Variants in CORO6 observed in about 807,000 individuals in gnomAD.
CORO6 encodes coronin-6.
In CORO6, 43 loss-of-function variants were observed where a neutral mutation model predicts 49.0. The ratio of observed to expected loss-of-function variants is 0.88; its 90% CI spans 0.69 to 1.13. The LOEUF (loss-of-function observed/expected upper bound fraction) is 1.13. Among genes scored for constraint, CORO6 ranks in the 50% most tolerant of loss-of-function variants. CORO6 has a pLI of 0.00. For synonymous variants in CORO6, 233 were observed against 256.5 expected, an observed-to-expected ratio of 0.91 and a Z score of 0.88; for missense variants, 650 against 647.0, an observed-to-expected ratio of 1.00 and a Z score of -0.05.
intron 6 of CORO6, 112 bp from the exon 7 acceptor site, chr17:29,617,154 C>T: frequency 1.9e-6 from 3 of 1,563,472 alleles, no homozygotes; most frequent in Non-Finnish European, 2.6e-6. Context: ...TGCCCCAAAC[C>T]TCTAGTGACC....
In CORO6 at chr17:29,615,703, G is replaced by T; in HGVS notation, c.*29C>A. 6.8e-7 allele frequency: 1 copy of T among 1,477,406 alleles called. No homozygotes were observed. The highest frequency in any genetic ancestry group is 8.9e-7 in the Non-Finnish European group (1 of 1,118,450). The allele number at this position is 1,477,406 out of a possible 1,614,324, so 91.5% of individuals were successfully genotyped here. ...GGGCGGGGCCGAGCTTGTGCGCCCC[G>T]CCCCGCTCCGCCTGCCTGGCGCGCG... On this transcript the variant is annotated 3_prime_UTR_variant, in exon 11 of 11. Transcript: ENST00000388767.
Position 29,615,542 on chromosome 17 carries a change from G to T in CORO6, c.*190C>A. On this transcript the variant is annotated 3_prime_UTR_variant, in exon 11 of 11. Transcript: ENST00000388767. ...AGTCCCAGACGAGGCTCGCAGTCCA[G>T]CCTCCGCTGGAGCGACGTGGGTCTC... 1 of 614,188 alleles carries T rather than the reference G, an allele frequency of 1.6e-6. No homozygotes were observed. Among genetic ancestry groups the T allele is most frequent in the African/African-American group, 1.9e-5 (1 of 52,044 alleles). The allele number at this position is 614,188 out of a possible 1,614,324, so 38.0% of individuals were successfully genotyped here. A position where few individuals can be genotyped will look rare whatever the true frequency, so the allele number is the denominator to read the frequency against.
chr17:29,622,694 C>G lies in CORO6; in HGVS notation c.-70G>C. 1 of 1,262,776 alleles carries G rather than the reference C, an allele frequency of 7.9e-7. No homozygotes were observed. Among genetic ancestry groups the G allele is most frequent in the Non-Finnish European group, 1.0e-6 (1 of 969,948 alleles). 78.2% of individuals were successfully genotyped at this position (1,262,776 alleles called of 1,614,324 possible). A position where few individuals can be genotyped will look rare whatever the true frequency, so the allele number is the denominator to read the frequency against. On this transcript the variant is annotated 5_prime_UTR_variant, in exon 1 of 11. Coordinates refer to ENST00000388767, the MANE Select transcript of CORO6 (RefSeq NM_032854.4). ...GGTGTGGGGGGCTGGGTACCTGGTCCTGAGCGGGCTGCGGGGCGCTCACGC... is the reference window on the plus strand; with the variant it reads ...GGTGTGGGGGGCTGGGTACCTGGTCGTGAGCGGGCTGCGGGGCGCTCACGC...
In CORO6 at chr17:29,617,579, G is replaced by A; in HGVS notation, c.674C>T (p.Ala225Val). Residue 225 changes from alanine (A) to valine (V), a missense_variant, in exon 6 of 11, where the codon GCC (alanine) becomes GTC (valine). Ala to Val is a moderately conservative substitution (Grantham distance 64). Coordinates refer to ENST00000388767, the MANE Select transcript of CORO6 (RefSeq NM_032854.4). Reference protein sequence around the residue: ...AAHEGMRPMRAVFTRQGHIFT... With the variant: ...AAHEGMRPMRVVFTRQGHIFT... ...GATATGGCCCTGGCGCGTGAAGACG[G>A]CCCGCATGGGCCTCATCCCCTCGTG... 1.2e-6 allele frequency: 2 copies of A among 1,606,312 alleles called. No individual in the cohort carries two copies. The highest frequency in any genetic ancestry group is 8.5e-7 in the Non-Finnish European group (1 of 1,177,602).
At chr17:29,619,292 G>A (rs904933538) in intron 3 of CORO6, 103 bp from the exon 4 acceptor site, 29 of 1,401,274 alleles carry the variant, frequency 2.1e-5, no homozygotes, top group Non-Finnish European at 2.8e-5. Flanking sequence ...CTCTTGAGTG[G>A]TAAGGGTCAA....
At chr17:29,617,428 TGG>T in intron 6 of CORO6, 70 bp downstream of exon 6, 1 of 1,552,808 alleles carries the variant, frequency 6.4e-7, no homozygotes, top group Non-Finnish European at 8.7e-7. Context: ...GCCCTGCGGG[TGG>T]GGGGCGCCTG....
At chr17:29,619,577 CT>C in intron 3 of CORO6, 73 bp downstream of exon 3, 1 of 1,486,716 alleles carries the variant, frequency 6.7e-7, no homozygotes, top group Non-Finnish European at 9.3e-7. Flanking sequence ...CCCTTAGCAC[CT>C]TCCCCAGCAC....
At chr17:29,618,142 G>A (rs1277236073) in intron 5 of CORO6, 1 of 1,397,998 alleles carries the variant, frequency 7.2e-7, no homozygotes, top group Admixed American at 3.2e-5. Context: ...CAGCGGGCGG[G>A]CGCCCTCGTG....
chr17:29,618,859 G>T lies in CORO6; in HGVS notation c.564C>A (p.Ser188Arg). ...IHSVCWNSNG[S>R]LLATTCKDKT... ...TGTCCTTGCAGGTGGTGGCTAGCAGGCTACCGTTGCTGTTCCAGCACACAC... is the reference window on the plus strand; with the variant it reads ...TGTCCTTGCAGGTGGTGGCTAGCAGTCTACCGTTGCTGTTCCAGCACACAC... Residue 188 changes from serine (S) to arginine (R), a missense_variant, in exon 5 of 11, where the codon AGC (serine) becomes AGA (arginine). Coordinates refer to ENST00000388767, the MANE Select transcript of CORO6 (RefSeq NM_032854.4). 1.2e-6 allele frequency: 2 copies of T among 1,614,012 alleles called. No homozygotes were observed. The highest frequency in any genetic ancestry group is 1.1e-5 in the South Asian group (1 of 91,084).
chr17:29,621,411 CG>C lies in CORO6; in HGVS notation c.10del (p.Arg4ValfsTer152). MSR[R>X]VVRQSKFRHV... ...GCGGAACTTGCTTTGCCGAACCACA[CG>C]TCTGCTCATAGCTGCAGGCAGAGAG... On this transcript the variant is annotated frameshift_variant, in exon 2 of 11. Transcript: ENST00000388767. LOFTEE classifies it high-confidence loss of function. This position sits in a 1 kb window ranked among gnomAD's most constrained non-coding sequence, Gnocchi z 4.2. The C allele has an allele frequency of 6.2e-7, 1 of 1,610,308 alleles. No homozygotes were observed.
Position 29,616,052 on chromosome 17 carries a change from C to T in CORO6, c.1186G>A (p.Val396Met), listed in dbSNP as rs370360290. The T allele has an allele frequency of 3.4e-5, 55 of 1,612,302 alleles. No individual in the cohort carries two copies. In the African/African-American group the frequency reaches 6.9e-4, roughly 20 times the overall value. ...PVLISLRDGYVPPKHRELRVT... is the reference protein window; with the variant it reads ...PVLISLRDGYMPPKHRELRVT... ...CGGAGCTCGCGGTGCTTGGGGGGCA[C>T]ATAGCCGTCCCTCAGCGAAATGAGC... Residue 396 changes from valine to methionine, a missense_variant, in exon 10 of 11, where the codon GTG becomes ATG. Transcript: ENST00000388767. The surrounding 1 kb of genome is among the most constrained non-coding windows in gnomAD (Gnocchi z 5.6).
rs1199007774 is a variant in CORO6, at chr17:29,621,782, C to T, written c.-63-298G>A. 2.2e-5 allele frequency: 6 copies of T among 277,854 alleles called. No homozygotes were observed. The South Asian group carries it at 2.2e-4, about 10-fold the overall frequency. 17.2% of individuals were successfully genotyped at this position (277,854 alleles called of 1,614,324 possible). On this transcript the variant is annotated intron_variant, in intron 1 of 10. Coordinates refer to ENST00000388767, the MANE Select transcript of CORO6 (RefSeq NM_032854.4). The surrounding 1 kb of genome is among the most constrained non-coding windows in gnomAD (Gnocchi z 4.2). Reference sequence around the variant, plus strand: ...CCTCAATGCCACACTGCCTGCACCCCCCGCCCCCACCACCGCCAGCCTTGA... The same window carrying T: ...CCTCAATGCCACACTGCCTGCACCCTCCGCCCCCACCACCGCCAGCCTTGA...
Position 29,621,778 on chromosome 17 carries a change from A to C in CORO6, c.-63-294T>G, listed in dbSNP as rs1598648505. The C allele has an allele frequency of 1.0e-4, 26 of 253,746 alleles. No individual in the cohort carries two copies. Among genetic ancestry groups the C allele is most frequent in the East Asian group, 4.6e-4 (5 of 10,768 alleles). 15.7% of individuals were successfully genotyped at this position (253,746 alleles called of 1,614,324 possible). On this transcript the variant is annotated intron_variant, in intron 1 of 10. Transcript: ENST00000388767. This position sits in a 1 kb window ranked among gnomAD's most constrained non-coding sequence, Gnocchi z 4.2. Reference sequence around the variant, plus strand: ...GGAGCCTCAATGCCACACTGCCTGCACCCCCCGCCCCCACCACCGCCAGCC... The same window carrying C: ...GGAGCCTCAATGCCACACTGCCTGCCCCCCCCGCCCCCACCACCGCCAGCC...
rs146919004 is a variant in CORO6 at position 29,616,124 on chromosome 17, C to A, written c.1114G>T (p.Ala372Ser). ...GATAGCCATTCGTCCGCTTCTAGGG[C>A]CGGCTCCGGGCCTGGCGTATCCGGG... The part of the protein sequence containing the change: ...LYPDTPGPEP[A>S]LEADEWLSGQ... Residue 372 changes from alanine to serine, a missense_variant, in exon 10 of 11, where the codon GCC becomes TCC. By Grantham distance (99) the Ala-to-Ser change is moderately conservative. Transcript: ENST00000388767. The surrounding 1 kb of genome is among the most constrained non-coding windows in gnomAD (Gnocchi z 5.6). 14 of 1,613,274 alleles carry A rather than the reference C, an allele frequency of 8.7e-6. No homozygotes were observed. The African/African-American group carries it at 1.7e-4, about 20-fold the overall frequency.
At position 29,615,618 on chromosome 17, in the gene CORO6, C is replaced by G. The variant is rs1218447372; in HGVS notation, c.*114G>C. On this transcript the variant is annotated 3_prime_UTR_variant, in exon 11 of 11. Coordinates refer to ENST00000388767, the MANE Select transcript of CORO6 (RefSeq NM_032854.4). Reference sequence around the variant, plus strand: ...CCCGCGAGGGGCGGAGTTCCCTCCCCAGTCCCGCCCCCGGGCCCAGCCCAA... The same window carrying G: ...CCCGCGAGGGGCGGAGTTCCCTCCCGAGTCCCGCCCCCGGGCCCAGCCCAA... The G allele has an allele frequency of 1.7e-6, 2 of 1,187,766 alleles. No individual in the cohort carries two copies. 73.6% of individuals were successfully genotyped at this position (1,187,766 alleles called of 1,614,324 possible). A position where few individuals can be genotyped will look rare whatever the true frequency, so the allele number is the denominator to read the frequency against.
At chr17:29,619,859 C>T (rs1210957190) in intron 2 of CORO6, 86 bp from the exon 3 acceptor site, 4 of 1,242,396 alleles carry the variant, frequency 3.2e-6, no homozygotes, top group African/African-American at 1.5e-5. Flanking sequence ...ATCTCGATTC[C>T]TTATTACCTA....
In CORO6 at chr17:29,616,266, C is replaced by T. The variant is rs201994744; in HGVS notation, c.1062+13G>A. 89 of 1,611,490 alleles carry T rather than the reference C, an allele frequency of 5.5e-5. No homozygotes were observed. In the Admixed American group the frequency reaches 1.1e-3, roughly 19 times the overall value. ...CCTCGTAGCCCTGCCCAACCCTTCT[C>T]CCGGCCCCTCACCTTGCGGGGCACA... is the stretch of plus-strand genomic sequence containing the variant. On this transcript the variant is annotated intron_variant, in intron 9 of 10. Coordinates refer to ENST00000388767, the MANE Select transcript of CORO6 (RefSeq NM_032854.4). This position sits in a 1 kb window ranked among gnomAD's most constrained non-coding sequence, Gnocchi z 5.6.
intron 2 of CORO6, among the ~76,000 whole-genome samples, chr17:29,620,315 T>A (rs1016555790): frequency 3.9e-5 from 6 of 152,182 alleles, no homozygotes; most frequent in Non-Finnish European, 8.8e-5. Flanking sequence ...AGGCTGCTTG[T>A]GGGGGTTCTG....
chr17:29,617,531 A>T lies in CORO6; in HGVS notation c.722T>A (p.Met241Lys), dbSNP rs780676189. ...CCACAGGCCCAGCTCTCGCTGGCTCATGCGGGTGAAGCCCGTGGTGAAGAT... is the reference window on the plus strand; with the variant it reads ...CCACAGGCCCAGCTCTCGCTGGCTCTTGCGGGTGAAGCCCGTGGTGAAGAT... ...GHIFTTGFTR[M>K]SQRELGLWDP... is the part of the protein sequence containing the mutation. The change falls in exon 6 of 11, where the codon ATG becomes AAG. Residue 241 changes from methionine to lysine, a missense_variant. Met to Lys is a moderately conservative substitution (Grantham distance 95). Coordinates refer to ENST00000388767, the MANE Select transcript of CORO6 (RefSeq NM_032854.4). 3.1e-6 allele frequency: 5 copies of T among 1,611,154 alleles called. No individual in the cohort carries two copies. The African/African-American group carries it at 6.7e-5, about 21-fold the overall frequency.
Sources: gnomAD v4.1 joint callset for allele counts (sites outside exome capture counted in the v4.1 genomes callset) on GRCh38, gnomAD v4.1.1 for gene constraint, Gnocchi (gnomAD v3.1) non-coding constraint, MANE v1.5 for transcripts, NCBI Gene and HGNC (gene_info 2026-07-23, HGNC 2026-07-21) for gene names.